The following ABTB2 variants were observed in gnomAD, a reference collection of about 807,000 sequenced individuals.
The protein encoded by ABTB2 is ankyrin repeat and BTB domain containing 2, also known as ankyrin repeat and BTB/POZ domain-containing protein 2.
ABTB2 carries 56 observed loss-of-function variants against 104.1 expected under a neutral mutation model. The observed-to-expected ratio is 0.54, with a 90% confidence interval of 0.43 to 0.67. The LOEUF is 0.67. ABTB2 is among the 30% of genes least tolerant of loss of function. The pLI is 0.00. For synonymous variants in ABTB2, 606 were observed against 608.2 expected (o/e 1.00, Z 0.05); for missense variants, 1,279 against 1,407.7 (o/e 0.91, Z 1.46).
chr11:34,163,499 G>T (rs948133754), intron 9 of ABTB2, among the ~76,000 whole-genome samples: 13 of 152,184 alleles, frequency 8.5e-5, no homozygotes, highest in Non-Finnish European at 1.5e-4. Flanking sequence ...ACTCCAGGTG[G>T]GGGTACAGAC....
At chr11:34,260,600 T>C (rs1854177156) in intron 1 of ABTB2, among the ~76,000 whole-genome samples, 1 of 152,156 alleles carries the variant, frequency 6.6e-6, no homozygotes, top group African/African-American at 2.4e-5. Context: ...GATAAGGGAT[T>C]AATAGTTTTT....
In ABTB2 at chr11:34,154,517, C is replaced by G; in HGVS notation, c.2767-139G>C. ...CCACTACCTTCTGATACTCCTGGGC[C>G]TAACCATCCCCGCTGGGACACGCAC... On this transcript the variant is annotated intron_variant, in intron 15 of 16. Transcript: ENST00000435224. This position sits in a 1 kb window ranked among gnomAD's most constrained non-coding sequence, Gnocchi z 4.9. The G allele has an allele frequency of 1.2e-6, 1 of 850,842 alleles. No homozygotes were observed. 52.7% of individuals were successfully genotyped at this position (850,842 alleles called of 1,614,324 possible).
rs1590233875 is a variant in ABTB2 at position 34,263,706 on chromosome 11, C to T, written c.884-59016G>A. 1.3e-5 allele frequency among the ~76,000 whole-genome samples: 2 copies of T among 152,230 alleles called. 1 individual carries two copies. The highest frequency in any genetic ancestry group is 3.9e-4 in the East Asian group (2 of 5,178). ...CATTCCCTAGGCATGTTGTAGGCAC[C>T]CTCTGGGGACAGAGCTCAATTCTAG... On this transcript the variant is annotated intron_variant, in intron 1 of 16. Coordinates refer to ENST00000435224, the MANE Select transcript of ABTB2 (RefSeq NM_145804.3).
At chr11:34,158,269 T>C (rs1294827995) in intron 14 of ABTB2, among the ~76,000 whole-genome samples, 1 of 152,008 alleles carries the variant, frequency 6.6e-6, no homozygotes, top group Non-Finnish European at 1.5e-5. Flanking sequence ...AAAAATTAGC[T>C]GGGTGTGGTG....
At chr11:34,160,429 A>C in intron 11 of ABTB2, 76 bp from the exon 12 acceptor site, 2 of 1,085,624 alleles carry the variant, frequency 1.8e-6, no homozygotes, top group Non-Finnish European at 2.8e-6. Flanking sequence ...CGTCAGGCTA[A>C]TTTCAAAAGT....
intron 1 of ABTB2, among the ~76,000 whole-genome samples, chr11:34,229,121 G>GAAAAAAAAAAAAA (rs370579783): frequency 9.6e-6 from 1 of 103,778 alleles, no homozygotes; most frequent in Non-Finnish European, 1.9e-5. Flanking sequence ...CTCCGTCTTG[G>GAAAAAAAAAAAAA]AAAAAAAAAA....
At chr11:34,256,106 CCA>C (rs1854119216) in intron 1 of ABTB2, among the ~76,000 whole-genome samples, 1 of 151,236 alleles carries the variant, frequency 6.6e-6, no homozygotes, top group South Asian at 2.1e-4. Context: ...TAAAATCCAA[CCA>C]AAGAGTCTCA....
intron 1 of ABTB2, among the ~76,000 whole-genome samples, chr11:34,230,134 G>A (rs562891615): frequency 3.3e-5 from 5 of 152,318 alleles, no homozygotes; most frequent in East Asian, 3.9e-4. Context: ...CTCAGCACTC[G>A]CATATGCATG....
intron 1 of ABTB2, among the ~76,000 whole-genome samples, chr11:34,235,754 TG>T (rs1853834423): frequency 6.6e-6 from 1 of 152,210 alleles, no homozygotes; most frequent in African/African-American, 2.4e-5. Context: ...CATCGCTAAT[TG>T]CACTTTGCAG....
intron 1 of ABTB2, among the ~76,000 whole-genome samples, chr11:34,353,871 C>T (rs1028553061): frequency 1.3e-5 from 2 of 152,224 alleles, no homozygotes; most frequent in Non-Finnish European, 2.9e-5. Context: ...CATACGCAGT[C>T]ATTCCCCAGT....
intron 4 of ABTB2, 102 bp from the exon 5 acceptor site, chr11:34,171,173 G>C: frequency 7.8e-6 from 10 of 1,290,198 alleles, no homozygotes; most frequent in Admixed American, 2.3e-5. Context: ...TGAGGATGAG[G>C]ATGGGTGGGA....
chr11:34,236,569 T>C (rs1431258040), intron 1 of ABTB2, among the ~76,000 whole-genome samples: 1 of 152,158 alleles, frequency 6.6e-6, no homozygotes, highest in Non-Finnish European at 1.5e-5. Flanking sequence ...CCATTCTCTT[T>C]TGATGCCTCC....
At chr11:34,353,612 A>G (rs1399572594) in intron 1 of ABTB2, among the ~76,000 whole-genome samples, 1 of 152,254 alleles carries the variant, frequency 6.6e-6, no homozygotes, top group African/African-American at 2.4e-5. Flanking sequence ...TTTTGTAAAC[A>G]CTGCAGAACT....
chr11:34,280,909 C>A (rs537207700), intron 1 of ABTB2, among the ~76,000 whole-genome samples: 1 of 152,278 alleles, frequency 6.6e-6, no homozygotes, highest in East Asian at 1.9e-4. Context: ...TCCTAAGATA[C>A]ACATATAACT....
chr11:34,335,502 A>T (rs1855183465), intron 1 of ABTB2: 11 of 937,544 alleles, frequency 1.2e-5, no homozygotes, highest in Non-Finnish European at 1.9e-5. Flanking sequence ...GCTATTAGCT[A>T]CTTCTGGAAA....
At chr11:34,162,262 G>A (rs915459014) in intron 10 of ABTB2, among the ~76,000 whole-genome samples, 3 of 152,216 alleles carry the variant, frequency 2.0e-5, no homozygotes, top group African/African-American at 7.2e-5. Flanking sequence ...CCCAGTGCTC[G>A]ACATCCCTGG....
intron 1 of ABTB2, among the ~76,000 whole-genome samples, chr11:34,246,516 G>A (rs10836165): frequency 0.5 from 73,806 of 147,842 alleles, 18,507 homozygotes; most frequent in Middle Eastern, 0.59. Context: ...CAGGAGAATC[G>A]CTTGAACCCA....
chr11:34,348,409 T>G (rs1372108307), intron 1 of ABTB2, among the ~76,000 whole-genome samples: 3 of 152,190 alleles, frequency 2.0e-5, no homozygotes, highest in Admixed American at 6.5e-5. Context: ...TGTTCCTGCT[T>G]GTCATGTATC....
chr11:34,158,830 T>C lies in ABTB2; in HGVS notation c.2697+466A>G, dbSNP rs1852668435. ...GACCAATGTGGCCGGGGTTTGATGC[T>C]TGGGAGAAGTGACGCAGCCTCCACC... is the stretch of plus-strand genomic sequence containing the variant. On this transcript the variant is annotated intron_variant, in intron 14 of 16. Coordinates refer to ENST00000435224, the MANE Select transcript of ABTB2 (RefSeq NM_145804.3). 2.0e-5 allele frequency among the ~76,000 whole-genome samples: 3 copies of C among 152,208 alleles called. No homozygotes were observed. The South Asian group carries it at 6.2e-4, about 32-fold the overall frequency.
Sources: gnomAD v4.1 joint callset for allele counts (sites outside exome capture counted in the v4.1 genomes callset) on GRCh38, gnomAD v4.1.1 for gene constraint, Gnocchi (gnomAD v3.1) non-coding constraint, MANE v1.5 for transcripts, NCBI Gene and HGNC (gene_info 2026-07-23, HGNC 2026-07-21) for gene names.